The following PCDHGA4 variants were observed in gnomAD, a reference collection of about 807,000 sequenced individuals.
PCDHGA4 encodes the protein protocadherin gamma subfamily A, 4, also known as protocadherin gamma-A4.
A neutral mutation model predicts 54.6 loss-of-function variants in PCDHGA4; 38 were observed. The ratio of observed to expected loss-of-function variants is 0.70; its 90% confidence interval spans 0.54 to 0.91. PCDHGA4 has a LOEUF of 0.91. Among genes scored for constraint, PCDHGA4 ranks in the 40% least tolerant of loss-of-function variants. PCDHGA4 has a pLI of 0.00. For missense variants in PCDHGA4, 1,298 were observed against 1,220.9 expected (o/e 1.06, Z -0.94); for synonymous variants, 511 against 512.9 (o/e 1.00, Z 0.05).
intron 1 of PCDHGA4, chr5:141,390,140 A>G (rs747174609): frequency 3.5e-5 from 57 of 1,613,798 alleles, no homozygotes; most frequent in Middle Eastern, 1.6e-4. Context: ...CCTACAATCT[A>G]TGTGTTGCAC....
chr5:141,360,233 T>C lies in PCDHGA4; in HGVS notation c.2514+2612T>C, dbSNP rs770644210. ...TTCCCCGGGGCTCTCCCAGTCCAGA[T>C]CCGCTATTCAATTCCAGAGGAGCTG... On this transcript the variant is annotated intron_variant, in intron 1 of 3. Transcript: ENST00000571252. 1.9e-6 allele frequency: 3 copies of C among 1,613,862 alleles called. No individual in the cohort carries two copies. The highest frequency in any genetic ancestry group is 1.7e-5 in the Admixed American group (1 of 60,000).
intron 1 of PCDHGA4, chr5:141,424,773 T>C (rs1398493027): frequency 6.6e-6 from 1 of 152,206 alleles, no homozygotes; most frequent in African/African-American, 2.4e-5. Flanking sequence ...TGGCAAATAG[T>C]ACATTCAGTT....
rs765047622 is a variant in PCDHGA4 at position 141,486,776 on chromosome 5, G to A, written c.2515-8031G>A. On this transcript the variant is annotated intron_variant, in intron 1 of 3. Coordinates refer to ENST00000571252, the MANE Select transcript of PCDHGA4 (RefSeq NM_018917.4). This position sits in a 1 kb window ranked among gnomAD's most constrained non-coding sequence, Gnocchi z 5.0. ...GCAAACCCAGACACTGCAGTTTGAGGTGCAGGCCCGGGATCGGGGCAACCC... is the reference window on the plus strand; with the variant it reads ...GCAAACCCAGACACTGCAGTTTGAGATGCAGGCCCGGGATCGGGGCAACCC... 1.2e-6 allele frequency: 2 copies of A among 1,614,254 alleles called. No individual in the cohort carries two copies. Among genetic ancestry groups the A allele is most frequent in the Non-Finnish European group, 1.7e-6 (2 of 1,180,050 alleles).
rs781580216 is a variant in PCDHGA4 at position 141,430,931 on chromosome 5, G to A, written c.2515-63876G>A. The stretch of plus-strand genomic sequence containing the variant: ...CAGGGACCTGGGGCTGGAGCCCCGG[G>A]AGCTCGCGGAGCGCGGAGTCCGCAT... On this transcript the variant is annotated intron_variant, in intron 1 of 3. Coordinates refer to ENST00000571252, the MANE Select transcript of PCDHGA4 (RefSeq NM_018917.4). The A allele has an allele frequency of 1.5e-5, 24 of 1,607,530 alleles. No individual in the cohort carries two copies. In the East Asian group the frequency reaches 4.9e-4, roughly 33 times the overall value.
chr5:141,481,085 A>T (rs1200522212), intron 1 of PCDHGA4, among the ~76,000 whole-genome samples: 1 of 152,192 alleles, frequency 6.6e-6, no homozygotes, highest in African/African-American at 2.4e-5. Flanking sequence ...AAGAAAAAAG[A>T]AAAGCAGTAC....
chr5:141,415,756 T>C, intron 1 of PCDHGA4: 2 of 1,387,344 alleles, frequency 1.4e-6, no homozygotes, highest in Non-Finnish European at 1.9e-6. Flanking sequence ...TTTTTTTTTT[T>C]TTTTTTTTTT....
At chr5:141,425,606 G>A (rs1419859039) in intron 1 of PCDHGA4, among the ~76,000 whole-genome samples, 1 of 152,156 alleles carries the variant, frequency 6.6e-6, no homozygotes, top group Non-Finnish European at 1.5e-5. Context: ...GCCCTATATA[G>A]CTTTCAGTGC....
chr5:141,421,533 C>T (rs80184002), intron 1 of PCDHGA4: 1 of 1,614,044 alleles, frequency 6.2e-7, no homozygotes, highest in African/African-American at 1.3e-5. Flanking sequence ...CGGTGTCCTC[C>T]TGTTTTTTAA....
intron 1 of PCDHGA4, chr5:141,440,995 C>G (rs1425894086): frequency 6.6e-6 from 1 of 152,154 alleles, no homozygotes; most frequent in Non-Finnish European, 1.5e-5. Context: ...GTACCCATAT[C>G]TAGTTTGGCC....
At chr5:141,461,817 C>A (rs2099023873) in intron 1 of PCDHGA4, among the ~76,000 whole-genome samples, 1 of 150,844 alleles carries the variant, frequency 6.6e-6, no homozygotes, top group South Asian at 2.1e-4. Flanking sequence ...CCACACCCAG[C>A]TAATTTTTTT....
At position 141,485,561 on chromosome 5, in the gene PCDHGA4, GCCC is replaced by G; in HGVS notation, c.2515-9242_2515-9240del. ...AGAGATCGTAGATGTGAATGATCAC[GCCC>G]CCCGTTTTCCGCGGCAGCAGCTGGA... On this transcript the variant is annotated intron_variant, in intron 1 of 3. Transcript: ENST00000571252. This position sits in a 1 kb window ranked among gnomAD's most constrained non-coding sequence, Gnocchi z 5.7. 1 of 1,613,008 alleles carries G rather than the reference GCCC, an allele frequency of 6.2e-7. No homozygotes were observed.
chr5:141,511,581 T>C lies in PCDHGA4; in HGVS notation c.*408T>C, dbSNP rs2099883862. ...TCTTTCCCGAGTAAGGTGGTTGGGG[T>C]GTTGAAGTACCAAGTAACCTACAAG... On this transcript the variant is annotated 3_prime_UTR_variant, in exon 4 of 4. Transcript: ENST00000571252. 1 of 281,638 alleles carries C rather than the reference T, an allele frequency of 3.6e-6. No homozygotes were observed. The highest frequency in any genetic ancestry group is 2.2e-5 in the African/African-American group (1 of 46,302). 17.4% of individuals were successfully genotyped at this position (281,638 alleles called of 1,614,324 possible). A position where few individuals can be genotyped will look rare whatever the true frequency, so the allele number is the denominator to read the frequency against.
intron 1 of PCDHGA4, chr5:141,422,221 A>T (rs1267909650): frequency 1.3e-6 from 2 of 1,565,034 alleles, no homozygotes; most frequent in Admixed American, 4.0e-5. Context: ...CTTTACCACC[A>T]CGACGATGTT....
chr5:141,409,848 G>C (rs149920059), intron 1 of PCDHGA4: 7 of 1,611,904 alleles, frequency 4.3e-6, no homozygotes, highest in Non-Finnish European at 5.9e-6. Context: ...GTGAGCCTGC[G>C]CGTGTTGGTG....
intron 1 of PCDHGA4, chr5:141,428,256 T>A: frequency 1.2e-6 from 1 of 863,822 alleles, no homozygotes; most frequent in Non-Finnish European, 1.9e-6. Flanking sequence ...CAGACTTCAG[T>A]GACAGTCCTG....
In PCDHGA4 at chr5:141,512,022, C is replaced by T. The variant is rs2154594692; in HGVS notation, c.*849C>T. The T allele has an allele frequency of 6.5e-6, 1 of 152,990 alleles. No individual in the cohort carries two copies. The highest frequency in any genetic ancestry group is 1.9e-4 in the East Asian group (1 of 5,186). The allele number at this position is 152,990 out of a possible 1,614,324, so 9.5% of individuals were successfully genotyped here. A position where few individuals can be genotyped will look rare whatever the true frequency, so the allele number is the denominator to read the frequency against. The stretch of plus-strand genomic sequence containing the variant: ...AGCTTGACACATCAAGTTATCAAGG[C>T]CTTGGAGGAGGCTCTGTATGTCCTC... On this transcript the variant is annotated 3_prime_UTR_variant, in exon 4 of 4. Transcript: ENST00000571252.
chr5:141,485,247 G>T lies in PCDHGA4; in HGVS notation c.2515-9560G>T. On this transcript the variant is annotated intron_variant, in intron 1 of 3. Coordinates refer to ENST00000571252, the MANE Select transcript of PCDHGA4 (RefSeq NM_018917.4). The surrounding 1 kb of genome is among the most constrained non-coding windows in gnomAD (Gnocchi z 5.7). ...CTTTTGTTCCTCTTTTACCACCTGG[G>T]TTACGTTTGTGGGCAGATCCGCTAC... The T allele has an allele frequency of 2.5e-6, 4 of 1,614,156 alleles. No individual in the cohort carries two copies. The highest frequency in any genetic ancestry group is 3.4e-6 in the Non-Finnish European group (4 of 1,180,010).
intron 1 of PCDHGA4, chr5:141,422,879 T>A: frequency 6.2e-7 from 1 of 1,614,240 alleles, no homozygotes; most frequent in Non-Finnish European, 8.5e-7. Context: ...TCGCTGAGCC[T>A]GTTCGTGCTG....
chr5:141,402,918 A>C (rs766546022), intron 1 of PCDHGA4: 55 of 1,569,938 alleles, frequency 3.5e-5, no homozygotes, highest in Non-Finnish European at 4.7e-5. Flanking sequence ...GCGCGCACAG[A>C]GATCCTTTTG....
Sources: allele counts gnomAD v4.1 joint callset (sites outside exome capture counted in the v4.1 genomes callset), GRCh38; gene constraint gnomAD v4.1.1; non-coding constraint Gnocchi (gnomAD v3.1); transcripts MANE v1.5; gene names NCBI Gene and HGNC (gene_info 2026-07-23, HGNC 2026-07-21).